KNL1: variants seen among roughly 807,000 people sequenced by gnomAD.
KNL1 encodes kinetochore scaffold 1, also known as outer kinetochore KNL1 complex subunit KNL1.
In KNL1, 66 loss-of-function variants were observed where a neutral mutation model predicts 201.3. That is an observed-to-expected ratio of 0.33 (90% CI 0.27 to 0.40). KNL1 has a LOEUF of 0.40. KNL1 is among the 10% of genes least tolerant of loss of function. The pLI, the probability that KNL1 is intolerant of heterozygous loss-of-function variation, is 1.00. For synonymous variants in KNL1, 895 were observed against 899.2 expected (o/e 1.00, Z 0.08); for missense variants, 2,815 against 2,690.5 (o/e 1.05, Z -1.02).
chr15:40,596,766 C>T (rs940206913), intron 1 of KNL1, among the ~76,000 whole-genome samples: 3 of 151,460 alleles, frequency 2.0e-5, no homozygotes, highest in Admixed American at 2.0e-4. Context: ...TTTGGGAGGC[C>T]GAGGCAGGCA....
At chr15:40,608,345 A>G (rs1892041472) in intron 4 of KNL1, among the ~76,000 whole-genome samples, 1 of 151,346 alleles carries the variant, frequency 6.6e-6, no homozygotes, top group Non-Finnish European at 1.5e-5. Flanking sequence ...GAGACATGAA[A>G]ATCACTTGAA....
Position 40,646,906 on chromosome 15 carries a change from G to C in KNL1, c.6007-81G>C, listed in dbSNP as rs912669233. ...TTTGCCTGTTTGTGATCATGATAGAGCGATTATGTGAGCAGTTTGAACCAT... is the reference window on the plus strand; with the variant it reads ...TTTGCCTGTTTGTGATCATGATAGACCGATTATGTGAGCAGTTTGAACCAT... On this transcript the variant is annotated intron_variant, in intron 16 of 25. Coordinates refer to ENST00000399668, the MANE Select transcript of KNL1 (RefSeq NM_144508.5). 4.6e-6 allele frequency: 3 copies of C among 655,926 alleles called. No individual in the cohort carries two copies. The African/African-American group carries it at 5.7e-5, about 12-fold the overall frequency. The allele number at this position is 655,926 out of a possible 1,614,324, so 40.6% of individuals were successfully genotyped here.
intron 1 of KNL1, among the ~76,000 whole-genome samples, chr15:40,598,558 G>C (rs1290755333): frequency 6.6e-6 from 1 of 152,054 alleles, no homozygotes; most frequent in African/African-American, 2.4e-5. Flanking sequence ...AACAGAGCAA[G>C]ACCCTGTCTC....
chr15:40,605,038 T>C, intron 2 of KNL1, 72 bp from the exon 3 acceptor site: 1 of 792,610 alleles, frequency 1.3e-6, no homozygotes, highest in Non-Finnish European at 2.3e-6. Flanking sequence ...ATGTAAGGGG[T>C]GCTGTGATGA....
chr15:40,657,467 A>G lies in KNL1; in HGVS notation c.6707A>G (p.Asn2236Ser). The G allele has an allele frequency of 7.1e-7, 1 of 1,408,214 alleles. No homozygotes were observed. Among genetic ancestry groups the G allele is most frequent in the Non-Finnish European group, 1.0e-6 (1 of 992,812 alleles). 87.2% of individuals were successfully genotyped at this position (1,408,214 alleles called of 1,614,324 possible). Residue 2236 changes from asparagine (N) to serine (S), a missense_variant, in exon 24 of 26, where the codon AAT becomes AGT. Physicochemically the swap from Asn to Ser is conservative, Grantham distance 46. Around this residue, in one of 3 missense-constraint regions of KNL1, gnomAD observed 334 missense variants for 362.6 expected, o/e 0.92. Coordinates refer to ENST00000399668, the MANE Select transcript of KNL1 (RefSeq NM_144508.5). ...NYNLMNIDIN[N>S]NELRLLFSSS... ...AACCTAATGAACATAGATATTAATAATAATGAGTAAGTGTATTAGTTCCCA... is the reference window on the plus strand; with the variant it reads ...AACCTAATGAACATAGATATTAATAGTAATGAGTAAGTGTATTAGTTCCCA...
At chr15:40,600,033 A>G (rs749737809) in intron 1 of KNL1, among the ~76,000 whole-genome samples, 1 of 150,026 alleles carries the variant, frequency 6.7e-6, no homozygotes, top group Admixed American at 6.6e-5. Context: ...TATCCTTCTT[A>G]CAAATTGCTG....
rs890497118 is a variant in KNL1, at chr15:40,623,269, A to G, written c.3005A>G (p.Asn1002Ser). Residue 1002 changes from asparagine to serine, a missense_variant, in exon 10 of 26, where the codon AAT (asparagine) becomes AGT (serine). Physicochemically the swap from Asn to Ser is conservative, Grantham distance 46. Coordinates refer to ENST00000399668, the MANE Select transcript of KNL1 (RefSeq NM_144508.5). ...GAGGAGAGTGTTTTCTTTCCAGGAAATGGTGAAAGTGACCGTCTAGTAGCA... is the reference window on the plus strand; with the variant it reads ...GAGGAGAGTGTTTTCTTTCCAGGAAGTGGTGAAAGTGACCGTCTAGTAGCA... ...PTEESVFFPG[N>S]GESDRLVAND... The G allele has an allele frequency of 2.5e-6, 4 of 1,613,792 alleles. No homozygotes were observed. The highest frequency in any genetic ancestry group is 2.5e-6 in the Non-Finnish European group (3 of 1,179,874).
At chr15:40,657,852 T>A (rs530600149) in intron 24 of KNL1, among the ~76,000 whole-genome samples, 1 of 152,330 alleles carries the variant, frequency 6.6e-6, no homozygotes, top group Non-Finnish European at 1.5e-5. Flanking sequence ...AAGGTCACTT[T>A]CTGAGGTATT....
At position 40,651,514 on chromosome 15, in the gene KNL1, C is replaced by A; in HGVS notation, c.6256C>A (p.Gln2086Lys). Residue 2086 changes from glutamine to lysine, a missense_variant, in exon 20 of 26, where the codon CAA (glutamine) becomes AAA (lysine). By Grantham distance (53) the Gln-to-Lys change is moderately conservative. Around this residue, in one of 3 missense-constraint regions of KNL1, gnomAD observed 334 missense variants for 362.6 expected, o/e 0.92. Transcript: ENST00000399668. ...LEVQKEQTLAQIDFMQKQRNR... is the reference protein window; with the variant it reads ...LEVQKEQTLAKIDFMQKQRNR... The stretch of plus-strand genomic sequence containing the variant: ...GGTACAAAAAGAGCAGACCCTTGCT[C>A]AAATAGACTTTATGCAAAAACAAAG... 1.9e-6 allele frequency: 3 copies of A among 1,610,176 alleles called. No homozygotes were observed. Among genetic ancestry groups the A allele is most frequent in the South Asian group, 2.2e-5 (2 of 90,200 alleles).
intron 21 of KNL1, 59 bp from the exon 22 acceptor site, chr15:40,654,850 C>A (rs1893672671): frequency 7.6e-7 from 1 of 1,309,090 alleles, no homozygotes; most frequent in Non-Finnish European, 1.1e-6. Flanking sequence ...GCCTGGGAGA[C>A]AAAGTGAGAC....
intron 13 of KNL1, among the ~76,000 whole-genome samples, chr15:40,631,321 A>G (rs1303284932): frequency 1.3e-5 from 2 of 151,214 alleles, no homozygotes; most frequent in African/African-American, 4.8e-5. Flanking sequence ...AAACACTTCT[A>G]GATAACTCCT....
rs1595924026 is a variant in KNL1, at chr15:40,621,264, G to A, written c.1000G>A (p.Gly334Ser). 1.2e-6 allele frequency: 2 copies of A among 1,613,892 alleles called. No individual in the cohort carries two copies. The highest frequency in any genetic ancestry group is 1.7e-6 in the Non-Finnish European group (2 of 1,179,926). Residue 334 changes from glycine to serine, a missense_variant, in exon 10 of 26, where the codon GGT becomes AGT. Coordinates refer to ENST00000399668, the MANE Select transcript of KNL1 (RefSeq NM_144508.5). ...NHTLQILPATGNFSEIENQTQ... is the reference protein window; with the variant it reads ...NHTLQILPATSNFSEIENQTQ... ...CACTTTGCAGATCTTACCTGCAACA[G>A]GTAATTTTTCTGAAATAGAAAATCA... is the stretch of plus-strand genomic sequence containing the variant.
chr15:40,654,901 C>T lies in KNL1; in HGVS notation c.6416-8C>T. Reference sequence around the variant, plus strand: ...ATTTTTAAAAATCATTATTCTGGTTCTTTCTAGTTGGTTTCCCTTTCCTGG... The same window carrying T: ...ATTTTTAAAAATCATTATTCTGGTTTTTTCTAGTTGGTTTCCCTTTCCTGG... On this transcript the variant is annotated splice_polypyrimidine_tract_variant and splice_region_variant and intron_variant, in intron 21 of 25. Transcript: ENST00000399668. 1 of 1,607,542 alleles carries T rather than the reference C, an allele frequency of 6.2e-7. No individual in the cohort carries two copies. Among genetic ancestry groups the T allele is most frequent in the Non-Finnish European group, 8.5e-7 (1 of 1,176,044 alleles).
At chr15:40,610,574 G>A (rs1344567124) in intron 6 of KNL1, among the ~76,000 whole-genome samples, 1 of 152,062 alleles carries the variant, frequency 6.6e-6, no homozygotes, top group African/African-American at 2.4e-5. Context: ...GTGCATTCCT[G>A]TAGCCCCAGC....
chr15:40,601,590 G>C (rs1891791700), intron 1 of KNL1, among the ~76,000 whole-genome samples: 1 of 152,004 alleles, frequency 6.6e-6, no homozygotes, highest in African/African-American at 2.4e-5. Flanking sequence ...CCAGCACTTT[G>C]GGAGGCCGAG....
intron 13 of KNL1, among the ~76,000 whole-genome samples, chr15:40,630,078 C>A (rs1235552122): frequency 6.6e-6 from 1 of 152,076 alleles, no homozygotes; most frequent in Non-Finnish European, 1.5e-5. Flanking sequence ...GTAATCACAG[C>A]TACTCAAGAG....
At chr15:40,647,335 C>T (rs1893420641) in intron 17 of KNL1, among the ~76,000 whole-genome samples, 1 of 151,826 alleles carries the variant, frequency 6.6e-6, no homozygotes, top group South Asian at 2.1e-4. Flanking sequence ...ATTAGCTGGG[C>T]GTGGTGACGG....
intron 10 of KNL1, among the ~76,000 whole-genome samples, chr15:40,627,470 C>T (rs536874871): frequency 3.3e-5 from 5 of 150,642 alleles, no homozygotes; most frequent in South Asian, 2.1e-4. Context: ...GCCGAGATCA[C>T]GCCAGTGCAC....
chr15:40,617,207 A>T (rs1175828522), intron 8 of KNL1, among the ~76,000 whole-genome samples: 1 of 152,220 alleles, frequency 6.6e-6, no homozygotes, highest in African/African-American at 2.4e-5. Flanking sequence ...CTTGGCCTCC[A>T]GAGTGCTTGG....
Sources: gnomAD v4.1 joint callset for allele counts (sites outside exome capture counted in the v4.1 genomes callset) on GRCh38, gnomAD v4.1.1 for gene constraint, gnomAD v4.1.1 regional missense constraint, MANE v1.5 for transcripts, NCBI Gene and HGNC (gene_info 2026-07-23, HGNC 2026-07-21) for gene names.